Variants in RYR2 observed in about 807,000 individuals in gnomAD.
RYR2 encodes cardiac muscle ryanodine receptor-calcium release channel.
RYR2 carries 227 observed loss-of-function variants against 601.1 expected under a neutral mutation model. The ratio of observed to expected loss-of-function variants is 0.38; its 90% CI spans 0.34 to 0.42. RYR2 has a LOEUF of 0.42. RYR2 is among the 10% of genes least tolerant of loss of function. The pLI is 1.00. For synonymous variants in RYR2, 2,223 were observed against 2,175.1 expected (o/e 1.02, Z -0.61); for missense variants, 4,646 against 6,156.5 (o/e 0.75, Z 8.21).
At position 237,096,968 on chromosome 1, in the gene RYR2, C is replaced by G. The variant is rs577455552; in HGVS notation, c.48+54399C>G. 4.6e-5 allele frequency among the ~76,000 whole-genome samples: 7 copies of G among 152,334 alleles called. No individual in the cohort carries two copies. In the South Asian group the frequency reaches 1.0e-3, roughly 23 times the overall value. ...GTTGGAGTAGAGTCCCAAGAGAAAG[C>G]TGTGCAGTCGCCCATGTGATTTTAG... is the stretch of plus-strand genomic sequence containing the variant. On this transcript the variant is annotated intron_variant, in intron 1 of 104. Coordinates refer to ENST00000366574, the MANE Select transcript of RYR2 (RefSeq NM_001035.3).
intron 34 of RYR2, among the ~76,000 whole-genome samples, chr1:237,598,228 C>A (rs1440805248): frequency 1.3e-5 from 2 of 152,144 alleles, no homozygotes; most frequent in Non-Finnish European, 2.9e-5. Flanking sequence ...AAGTTCAACA[C>A]CCCACTTTCA....
At chr1:237,488,675 A>T (rs1662974148) in intron 17 of RYR2, among the ~76,000 whole-genome samples, 1 of 152,072 alleles carries the variant, frequency 6.6e-6, no homozygotes, top group Non-Finnish European at 1.5e-5. Context: ...ACCCTAACTG[A>T]TACATATATT....
chr1:237,320,051 A>G (rs982706993), intron 2 of RYR2, among the ~76,000 whole-genome samples: 1 of 152,210 alleles, frequency 6.6e-6, no homozygotes, highest in African/African-American at 2.4e-5. Flanking sequence ...TAGCCCAGGA[A>G]AGAACACCAC....
chr1:237,092,320 A>C (rs772522713), intron 1 of RYR2, among the ~76,000 whole-genome samples: 1 of 152,132 alleles, frequency 6.6e-6, no homozygotes, highest in African/African-American at 2.4e-5. Context: ...TTGATGCCTT[A>C]TGAGTCCCTC....
intron 84 of RYR2, among the ~76,000 whole-genome samples, chr1:237,766,560 T>C (rs945086182): frequency 6.6e-5 from 10 of 152,152 alleles, no homozygotes; most frequent in African/African-American, 2.4e-4. Context: ...AAATTACTCA[T>C]AGGCAACATT....
intron 1 of RYR2, among the ~76,000 whole-genome samples, chr1:237,211,596 C>T (rs1443470467): frequency 6.6e-6 from 1 of 152,140 alleles, no homozygotes; most frequent in Non-Finnish European, 1.5e-5. Context: ...TAAAACAAAC[C>T]ACTGAATCAT....
Position 237,707,044 on chromosome 1 carries a change from A to G in RYR2, c.9676A>G (p.Ile3226Val). 6.2e-7 allele frequency: 1 copy of G among 1,613,964 alleles called. No homozygotes were observed. Among genetic ancestry groups the G allele is most frequent in the Non-Finnish European group, 8.5e-7 (1 of 1,179,850 alleles). Residue 3226 changes from isoleucine to valine, a missense_variant, in exon 68 of 105, where the codon ATT becomes GTT. Transcript: ENST00000366574. ...EEIVELAESG[I>V]RYTQMPHVME... ...AATCGTGGAATTAGCCGAGTCCGGCATTCGCTACACTCAAATGCCACATGT... is the reference window on the plus strand; with the variant it reads ...AATCGTGGAATTAGCCGAGTCCGGCGTTCGCTACACTCAAATGCCACATGT...
chr1:237,459,690 G>A (rs1486703308), intron 16 of RYR2, among the ~76,000 whole-genome samples: 1 of 152,120 alleles, frequency 6.6e-6, no homozygotes, highest in Non-Finnish European at 1.5e-5. Context: ...TATTTCTCAA[G>A]CCAATCCTCC....
In RYR2 at chr1:237,493,073, G is replaced by A. The variant is rs1663593634; in HGVS notation, c.1947G>A (p.Val649=). The A allele has an allele frequency of 6.2e-7, 1 of 1,613,614 alleles. No individual in the cohort carries two copies. Among genetic ancestry groups the A allele is most frequent in the Non-Finnish European group, 8.5e-7 (1 of 1,179,798 alleles). The change falls in exon 19 of 105, where the codon GTG becomes GTA. Residue 649 remains valine (V), a synonymous_variant. Coordinates refer to ENST00000366574, the MANE Select transcript of RYR2 (RefSeq NM_001035.3). ...GRDLLLQTRL[V]NHVSSMRPNI... is the part of the protein sequence containing the mutation. ...ACTTGTTATTGCAGACACGTCTTGT[G>A]AACCATGTCAGCAGGTAAATTCAGA...
At chr1:237,386,583 A>T (rs1349664454) in intron 8 of RYR2, among the ~76,000 whole-genome samples, 1 of 152,226 alleles carries the variant, frequency 6.6e-6, no homozygotes, top group Non-Finnish European at 1.5e-5. Flanking sequence ...CCAAGTTATG[A>T]TGAGTAAAAT....
intron 19 of RYR2, 74 bp downstream of exon 19, chr1:237,493,161 AC>A: frequency 6.5e-7 from 1 of 1,532,374 alleles, no homozygotes; most frequent in Non-Finnish European, 9.0e-7. Context: ...TGTAGCTGAT[AC>A]TATATGGTCT....
At position 237,674,205 on chromosome 1, in the gene RYR2, A is replaced by G; in HGVS notation, c.8700A>G (p.Gly2900=). The change falls in exon 59 of 105, where the codon GGA becomes GGG. Residue 2900 remains glycine (G), a synonymous_variant. Coordinates refer to ENST00000366574, the MANE Select transcript of RYR2 (RefSeq NM_001035.3). ...QDILKFLQIN[G]YAVSRGFKDL... ...TCCTCAAGTTCTTGCAGATCAATGGATATGCTGTATCCAGGTAAAAGTACA... is the reference window on the plus strand; with the variant it reads ...TCCTCAAGTTCTTGCAGATCAATGGGTATGCTGTATCCAGGTAAAAGTACA... 6.2e-7 allele frequency: 1 copy of G among 1,611,934 alleles called. No individual in the cohort carries two copies. The highest frequency in any genetic ancestry group is 8.5e-7 in the Non-Finnish European group (1 of 1,178,234).
intron 2 of RYR2, among the ~76,000 whole-genome samples, chr1:237,313,162 T>G (rs1048700797): frequency 6.6e-6 from 1 of 152,214 alleles, no homozygotes; most frequent in African/African-American, 2.4e-5. Context: ...AGTACAGATA[T>G]AGTTAAAATA....
At chr1:237,782,626 G>A (rs1419683270) in intron 89 of RYR2, among the ~76,000 whole-genome samples, 2 of 152,024 alleles carry the variant, frequency 1.3e-5, no homozygotes, top group East Asian at 3.9e-4. Context: ...TCCATGCATG[G>A]CCCCGATTCG....
At chr1:237,419,097 A>G (rs1705296614) in intron 11 of RYR2, among the ~76,000 whole-genome samples, 2 of 152,062 alleles carry the variant, frequency 1.3e-5, no homozygotes, top group African/African-American at 4.8e-5. Context: ...GTTTATACAA[A>G]TTAATTGTAT....
Position 237,757,783 on chromosome 1 carries a change from G to A in RYR2, c.11325+7G>A, listed in dbSNP as rs756458742. On this transcript the variant is annotated splice_region_variant and intron_variant, in intron 82 of 104. Transcript: ENST00000366574. Reference sequence around the variant, plus strand: ...GAACTCCACAGTACAGCAGGTAACAGCTTCCAGTCATTCATATAATGTACT... The same window carrying A: ...GAACTCCACAGTACAGCAGGTAACAACTTCCAGTCATTCATATAATGTACT... 3 of 1,562,772 alleles carry A rather than the reference G, an allele frequency of 1.9e-6. No homozygotes were observed. In the South Asian group the frequency reaches 3.3e-5, roughly 17 times the overall value.
At chr1:237,108,537 A>C (rs1669028975) in intron 1 of RYR2, among the ~76,000 whole-genome samples, 1 of 152,196 alleles carries the variant, frequency 6.6e-6, no homozygotes, top group Non-Finnish European at 1.5e-5. Flanking sequence ...ACCAAAACAG[A>C]GAACAGGGCT....
At chr1:237,768,580 A>C (rs12742059) in intron 84 of RYR2, among the ~76,000 whole-genome samples, 10,410 of 152,230 alleles carry the variant, frequency 0.068, 559 homozygotes, top group African/African-American at 0.15. Flanking sequence ...CCAGTGTAAG[A>C]GCACTTTCAA....
chr1:237,330,436 G>A (rs1270684992), intron 2 of RYR2, among the ~76,000 whole-genome samples: 1 of 152,216 alleles, frequency 6.6e-6, no homozygotes, highest in Non-Finnish European at 1.5e-5. Context: ...CGCCAGGTCT[G>A]GAGGGCAGTG....
Sources: gnomAD v4.1 joint callset for allele counts (sites outside exome capture counted in the v4.1 genomes callset) on GRCh38, gnomAD v4.1.1 for gene constraint, MANE v1.5 for transcripts, NCBI Gene and HGNC (gene_info 2026-07-23, HGNC 2026-07-21) for gene names.